Variants in RGS20 observed in about 807,000 individuals in gnomAD.
RGS20 encodes the protein regulator of G protein signaling 20.
A neutral mutation model predicts 33.6 loss-of-function variants in RGS20; 30 were observed. The observed-to-expected ratio is 0.89, with a 90% CI of 0.67 to 1.21. RGS20 has a LOEUF of 1.21. Ranked by LOEUF, RGS20 falls within the 50% of genes most tolerant of loss-of-function variation. The pLI, the probability that RGS20 is intolerant of heterozygous loss-of-function variation, is 0.00. For synonymous variants in RGS20, 208 were observed against 197.9 expected (o/e 1.05, Z -0.43); for missense variants, 472 against 502.4 (o/e 0.94, Z 0.58).
chr8:53,950,593 AATG>A, intron 4 of RGS20, among the ~76,000 whole-genome samples: 2 of 152,160 alleles, frequency 1.3e-5, no homozygotes, highest in East Asian at 1.9e-4. Context: ...TGGAGGATAG[AATG>A]ATAAGAATTG....
At chr8:53,866,928 T>A (rs1034683452) in intron 1 of RGS20, among the ~76,000 whole-genome samples, 1 of 152,070 alleles carries the variant, frequency 6.6e-6, no homozygotes, top group Admixed American at 6.6e-5. Flanking sequence ...CGTGTGTGTG[T>A]CCTAAGAGAG....
chr8:53,879,167 C>T (rs1442061442), intron 1 of RGS20: 6 of 1,032,400 alleles, frequency 5.8e-6, no homozygotes, highest in African/African-American at 3.3e-5. Flanking sequence ...CCCAAAGTAA[C>T]GCTTCAAAAT....
In RGS20 at chr8:53,946,671, T is replaced by C. The variant is rs1563427855; in HGVS notation, c.666T>C (p.Thr222=). The C allele has an allele frequency of 6.2e-7, 1 of 1,611,438 alleles. No homozygotes were observed. The highest frequency in any genetic ancestry group is 8.5e-7 in the Non-Finnish European group (1 of 1,178,760). Residue 222 remains threonine, a synonymous_variant, in exon 4 of 6, where the codon ACT becomes ACC. Transcript: ENST00000297313. ...GAATGTCTTTTTTTTGCAGTCTCACTGTTAGAAACCAGGAAGATCAGAGGC... is the reference window on the plus strand; with the variant it reads ...GAATGTCTTTTTTTTGCAGTCTCACCGTTAGAAACCAGGAAGATCAGAGGC...
intron 2 of RGS20, among the ~76,000 whole-genome samples, chr8:53,881,498 A>G (rs947040356): frequency 2.0e-5 from 3 of 151,928 alleles, no homozygotes; most frequent in African/African-American, 7.3e-5. Context: ...GGATAGGGAG[A>G]GGACAAGGAA....
Position 53,852,057 on chromosome 8 carries a change from A to G in RGS20, c.158A>G (p.Asp53Gly). ...GAAGGAGACCTCAGGGCTGTTCCTG[A>G]TATCAAGGTAAGGTGATTTCCACAA... Residue 53 changes from aspartate (D) to glycine (G), a missense_variant, in exon 1 of 6, where the codon GAT becomes GGT. By Grantham distance (94) the Asp-to-Gly change is moderately conservative (BLOSUM62 -1). Transcript: ENST00000297313. 2 of 1,609,902 alleles carry G rather than the reference A, an allele frequency of 1.2e-6. No homozygotes were observed. Among genetic ancestry groups the G allele is most frequent in the Non-Finnish European group, 1.7e-6 (2 of 1,177,540 alleles).
At position 53,870,377 on chromosome 8, in the gene RGS20, C is replaced by T. The variant is rs534775910; in HGVS notation, c.166-8881C>T. ...AACCTGCTCTGCTATTTTCTAGATACGATTCATTGGGCAAGTTTTTTCACC... is the reference window on the plus strand; with the variant it reads ...AACCTGCTCTGCTATTTTCTAGATATGATTCATTGGGCAAGTTTTTTCACC... On this transcript the variant is annotated intron_variant, in intron 1 of 5. Transcript: ENST00000297313. Among the ~76,000 whole-genome samples, 5 of 152,242 alleles carry T rather than the reference C, an allele frequency of 3.3e-5. No individual in the cohort carries two copies. In the East Asian group the frequency reaches 5.8e-4, roughly 18 times the overall value.
chr8:53,894,407 A>C (rs1321196496), intron 2 of RGS20, among the ~76,000 whole-genome samples: 2 of 152,214 alleles, frequency 1.3e-5, no homozygotes. Context: ...TCCCATGCAC[A>C]TCCTAGGAAC....
At chr8:53,860,270 T>C (rs1001348417) in intron 1 of RGS20, among the ~76,000 whole-genome samples, 2 of 152,234 alleles carry the variant, frequency 1.3e-5, no homozygotes, top group African/African-American at 4.8e-5. Context: ...ACAAAAGTAA[T>C]TTGATTTGAC....
At chr8:53,909,219 A>G (rs1227374728) in intron 2 of RGS20, among the ~76,000 whole-genome samples, 85 of 108,428 alleles carry the variant, frequency 7.8e-4, no homozygotes, top group South Asian at 4.6e-3. Flanking sequence ...GTATATATAT[A>G]TATATATATA....
intron 2 of RGS20, among the ~76,000 whole-genome samples, chr8:53,890,478 A>C (rs957383730): frequency 6.6e-6 from 1 of 152,188 alleles, no homozygotes; most frequent in Non-Finnish European, 1.5e-5. Flanking sequence ...TATTATATGT[A>C]GACATTGTAT....
At chr8:53,947,156 ATATT>A (rs1387626437) in intron 4 of RGS20, among the ~76,000 whole-genome samples, 3 of 146,696 alleles carry the variant, frequency 2.0e-5, no homozygotes, top group East Asian at 2.0e-4. Flanking sequence ...TATAGTATAT[ATATT>A]TATACACTCT....
At chr8:53,857,031 A>G (rs1286693617) in intron 1 of RGS20, among the ~76,000 whole-genome samples, 1 of 152,242 alleles carries the variant, frequency 6.6e-6, no homozygotes, top group African/African-American at 2.4e-5. Flanking sequence ...ACACCTTACC[A>G]TAAGTGTATT....
intron 4 of RGS20, among the ~76,000 whole-genome samples, chr8:53,950,926 T>C (rs752427082): frequency 6.6e-6 from 1 of 152,196 alleles, no homozygotes; most frequent in Non-Finnish European, 1.5e-5. Context: ...AATCTATACT[T>C]CTTCCCCATA....
chr8:53,879,892 C>T, intron 2 of RGS20: 1 of 373,990 alleles, frequency 2.7e-6, no homozygotes, highest in Non-Finnish European at 4.7e-6. Flanking sequence ...CCGAGGCTGC[C>T]TTTCAAACTC....
chr8:53,891,378 G>A lies in RGS20; in HGVS notation c.510+11776G>A, dbSNP rs1812705093. Among the ~76,000 whole-genome samples, 3 of 152,146 alleles carry A rather than the reference G, an allele frequency of 2.0e-5. 1 individual carries two copies. Among genetic ancestry groups the A allele is most frequent in the African/African-American group, 7.2e-5 (3 of 41,432 alleles). ...TCATGCCTTTAATCCCAGCACTTTG[G>A]GAGGCCAAGGTGGGTGGATCACTTG... On this transcript the variant is annotated intron_variant, in intron 2 of 5. Coordinates refer to ENST00000297313, the MANE Select transcript of RGS20 (RefSeq NM_170587.4).
At position 53,868,236 on chromosome 8, in the gene RGS20, A is replaced by G. The variant is rs568469553; in HGVS notation, c.166-11022A>G. Among the ~76,000 whole-genome samples the G allele has an allele frequency of 2.6e-5, 4 of 152,330 alleles. No individual in the cohort carries two copies. In the South Asian group the frequency reaches 8.3e-4, roughly 32 times the overall value. ...GATGACAAATTTAAATTTTGGTCTAAGATGATGAATGTGGTCAAAAGTACT... is the reference window on the plus strand; with the variant it reads ...GATGACAAATTTAAATTTTGGTCTAGGATGATGAATGTGGTCAAAAGTACT... On this transcript the variant is annotated intron_variant, in intron 1 of 5. Transcript: ENST00000297313.
chr8:53,957,783 T>C lies in RGS20; in HGVS notation c.979-487T>C, dbSNP rs76768323. 1.5e-3 allele frequency among the ~76,000 whole-genome samples: 225 copies of C among 152,322 alleles called. 6 individuals are homozygous for C. The East Asian group carries it at 0.04, about 27-fold the overall frequency. On this transcript the variant is annotated intron_variant, in intron 5 of 5. Transcript: ENST00000297313. ...ATGCCACTGACATTTGAGAACTGCGTTGATTATGCTTTTGGTTTCTCTTTG... is the reference window on the plus strand; with the variant it reads ...ATGCCACTGACATTTGAGAACTGCGCTGATTATGCTTTTGGTTTCTCTTTG...
At chr8:53,862,794 A>G (rs73587676) in intron 1 of RGS20, among the ~76,000 whole-genome samples, 3,457 of 152,202 alleles carry the variant, frequency 0.023, 131 homozygotes, top group African/African-American at 0.08. Flanking sequence ...GTGAGACCCT[A>G]TCTCTAAAAA....
At chr8:53,916,269 G>T (rs891620442) in intron 2 of RGS20, among the ~76,000 whole-genome samples, 2 of 152,162 alleles carry the variant, frequency 1.3e-5, no homozygotes, top group Non-Finnish European at 2.9e-5. Flanking sequence ...TGATCTGCCT[G>T]CCTCAGCCTC....
Sources: allele counts gnomAD v4.1 joint callset (sites outside exome capture counted in the v4.1 genomes callset), GRCh38; gene constraint gnomAD v4.1.1; transcripts MANE v1.5; gene names NCBI Gene and HGNC (gene_info 2026-07-23, HGNC 2026-07-21).